UNC13C: variants seen among roughly 807,000 people sequenced by gnomAD.
UNC13C encodes the protein protein unc-13 homolog C.
Under a neutral mutation model 245.4 loss-of-function variants are expected in UNC13C, and 174 were observed. That is an observed-to-expected ratio of 0.71 (90% confidence interval 0.63 to 0.80). UNC13C has a LOEUF of 0.80. Among genes scored for constraint, UNC13C ranks in the 30% least tolerant of loss-of-function variants. The pLI is 0.00. For missense variants in UNC13C, 2,829 were observed against 2,602.9 expected (o/e 1.09, Z -1.89); for synonymous variants, 992 against 895.1 (o/e 1.11, Z -1.93).
chr15:54,416,346 T>C (rs987568937), intron 19 of UNC13C, among the ~76,000 whole-genome samples: 2 of 152,172 alleles, frequency 1.3e-5, no homozygotes, highest in African/African-American at 4.8e-5. Context: ...TCAGTTTTTC[T>C]TATTTGGAAA....
intron 2 of UNC13C, among the ~76,000 whole-genome samples, chr15:54,131,344 A>G (rs2031401762): frequency 2.0e-5 from 3 of 152,282 alleles, no homozygotes. Flanking sequence ...ATATTGTGTG[A>G]TTCCACATTG....
chr15:54,351,086 G>A (rs904801157), intron 17 of UNC13C, among the ~76,000 whole-genome samples: 4 of 152,042 alleles, frequency 2.6e-5, no homozygotes, highest in Non-Finnish European at 5.9e-5. Flanking sequence ...GATTGGGATG[G>A]GACATTTTAG....
At chr15:54,452,668 T>A (rs1596400450) in intron 19 of UNC13C, among the ~76,000 whole-genome samples, 1 of 152,012 alleles carries the variant, frequency 6.6e-6, no homozygotes, top group Admixed American at 6.5e-5. Flanking sequence ...TCAGACGGAG[T>A]GATCCTCAGA....
intron 20 of UNC13C, among the ~76,000 whole-genome samples, chr15:54,499,012 C>T (rs1232533041): frequency 2.0e-5 from 3 of 152,080 alleles, no homozygotes; most frequent in Non-Finnish European, 2.9e-5. Flanking sequence ...TAATGCATTT[C>T]TCAGTCCTTT....
the UNC13C span, among the ~76,000 whole-genome samples, chr15:53,942,281 C>A: frequency 6.6e-6 from 1 of 152,134 alleles, no homozygotes; most frequent in Non-Finnish European, 1.5e-5. Context: ...AAGCTGTTAT[C>A]CTCAGCAAGC....
At chr15:54,363,937 T>C (rs2039296239) in intron 17 of UNC13C, among the ~76,000 whole-genome samples, 1 of 152,336 alleles carries the variant, frequency 6.6e-6, no homozygotes, top group Admixed American at 6.5e-5. Context: ...ATTTTCAGTA[T>C]ATTAAAAAGC....
intron 2 of UNC13C, among the ~76,000 whole-genome samples, chr15:54,115,222 A>G (rs966690378): frequency 6.6e-6 from 1 of 152,162 alleles, no homozygotes; most frequent in Admixed American, 6.5e-5. Flanking sequence ...CATATTTCCT[A>G]CATTTTCAAA....
At chr15:53,968,006 A>G in the UNC13C span, 4 of 152,076 alleles carry the variant, frequency 2.6e-5, no homozygotes, top group Non-Finnish European at 4.4e-5. Flanking sequence ...ACATACCTGG[A>G]ATTGATCTGT....
Position 54,015,054 on chromosome 15 carries a change from T to A in UNC13C, c.2151T>A (p.Asp717Glu), listed in dbSNP as rs1249582653. ...DDSESYDLTQ[D>E]DNSSPCPGLD... ...CAGAGAGCTACGACTTAACTCAAGA[T>A]GACAATTCTTCTCCATGCCCTGGCT... The change falls in exon 2 of 33, where the codon GAT becomes GAA. Residue 717 changes from aspartate to glutamate, a missense_variant. Physicochemically the swap from Asp to Glu is conservative, Grantham distance 45. Transcript: ENST00000260323. 1 of 1,613,030 alleles carries A rather than the reference T, an allele frequency of 6.2e-7. No homozygotes were observed. The highest frequency in any genetic ancestry group is 8.5e-7 in the Non-Finnish European group (1 of 1,179,532).
intron 1 of UNC13C, among the ~76,000 whole-genome samples, chr15:54,002,202 T>C (rs1595697954): frequency 1.3e-5 from 2 of 152,012 alleles, no homozygotes; most frequent in Middle Eastern, 3.4e-3. Context: ...AGGAGAATGG[T>C]GTGAACCTGG....
chr15:54,477,490 C>A (rs1476014011), intron 19 of UNC13C, among the ~76,000 whole-genome samples: 62 of 108,496 alleles, frequency 5.7e-4, no homozygotes, highest in Non-Finnish European at 8.0e-4. Flanking sequence ...CCCATCAATA[C>A]CTAATTTATT....
intron 2 of UNC13C, among the ~76,000 whole-genome samples, chr15:54,046,498 A>G (rs899537570): frequency 5.9e-5 from 9 of 152,096 alleles, no homozygotes; most frequent in African/African-American, 1.9e-4. Context: ...TAATCTTTTC[A>G]TATGTTTAAA....
chr15:54,238,197 C>T (rs553986397), intron 7 of UNC13C, among the ~76,000 whole-genome samples: 51 of 151,680 alleles, frequency 3.4e-4, no homozygotes, highest in Non-Finnish European at 5.7e-4. Context: ...GCCTCAGCCT[C>T]CCTAGTAGCT....
At chr15:54,413,669 A>G (rs546926803) in intron 18 of UNC13C, among the ~76,000 whole-genome samples, 1 of 152,314 alleles carries the variant, frequency 6.6e-6, no homozygotes, top group South Asian at 2.1e-4. Flanking sequence ...GGCAGTCAGT[A>G]AGGGAAACTG....
intron 30 of UNC13C, 58 bp from the exon 31 acceptor site, chr15:54,622,269 A>C: frequency 8.8e-7 from 1 of 1,138,606 alleles, no homozygotes; most frequent in African/African-American, 1.5e-5. Flanking sequence ...ATAGAATGAA[A>C]TTGTCCATTA....
rs150589345 is a variant in UNC13C, at chr15:54,432,070, T to G, written c.4933+17003T>G. Among the ~76,000 whole-genome samples the G allele has an allele frequency of 5.0e-3, 755 of 151,640 alleles. 6 individuals carry two copies. Among genetic ancestry groups the G allele is most frequent in the African/African-American group, 0.017 (707 of 41,440 alleles). ...TCTATATATTTATATTTAAATACAT[T>G]TCTAACAACCACAAAAATGTTACTC... On this transcript the variant is annotated intron_variant, in intron 19 of 32. Coordinates refer to ENST00000260323, the MANE Select transcript of UNC13C (RefSeq NM_001080534.3).
At chr15:53,915,266 A>C in the UNC13C span, among the ~76,000 whole-genome samples, 1 of 152,232 alleles carries the variant, frequency 6.6e-6, no homozygotes, top group African/African-American at 2.4e-5. Flanking sequence ...CTGTACTGGA[A>C]GAGTGGGTGG....
At chr15:53,990,404 G>C (rs758196557) in intron 1 of UNC13C, among the ~76,000 whole-genome samples, 1 of 152,002 alleles carries the variant, frequency 6.6e-6, no homozygotes, top group Non-Finnish European at 1.5e-5. Context: ...GGGCTCTTCT[G>C]TCTTGCCCTC....
intron 4 of UNC13C, among the ~76,000 whole-genome samples, chr15:54,184,791 G>C (rs376217338): frequency 1.3e-5 from 2 of 152,148 alleles, no homozygotes; most frequent in Non-Finnish European, 2.9e-5. Context: ...CCAGTAATGG[G>C]ATGGCTGGGT....
Sources: allele counts gnomAD v4.1 joint callset (sites outside exome capture counted in the v4.1 genomes callset), GRCh38; gene constraint gnomAD v4.1.1; transcripts MANE v1.5; gene names NCBI Gene and HGNC (gene_info 2026-07-23, HGNC 2026-07-21).